The following REDIC1 variants were observed in gnomAD, a reference collection of about 807,000 sequenced individuals.
REDIC1 encodes HEI10 Interacting Protein 1.
chr12:39,749,646 A>G, the REDIC1 span, among the ~76,000 whole-genome samples: 1 of 152,246 alleles, frequency 6.6e-6, no homozygotes, highest in South Asian at 2.1e-4. Context: ...ATCCCTGATG[A>G]ACATAGATGC....
chr12:39,770,162 T>C, the REDIC1 span, among the ~76,000 whole-genome samples: 2 of 152,108 alleles, frequency 1.3e-5, no homozygotes, highest in African/African-American at 4.8e-5. Flanking sequence ...TTGGGACCTA[T>C]ACCCTCTCTC....
At chr12:39,905,967 C>T in the REDIC1 span, among the ~76,000 whole-genome samples, 1 of 152,006 alleles carries the variant, frequency 6.6e-6, no homozygotes, top group Admixed American at 6.6e-5. Context: ...AAGTATATTC[C>T]TAATTTTGTT....
At chr12:39,651,032 A>C in the REDIC1 span, among the ~76,000 whole-genome samples, 1 of 152,130 alleles carries the variant, frequency 6.6e-6, no homozygotes, top group African/African-American at 2.4e-5. Context: ...TCCACAGGGG[A>C]TATGTTCCAA....
At chr12:39,680,768 G>GCGCA in the REDIC1 span, among the ~76,000 whole-genome samples, 4 of 149,704 alleles carry the variant, frequency 2.7e-5, no homozygotes, top group African/African-American at 9.8e-5. Context: ...AAATACATAC[G>GCGCA]CACACACACA....
chr12:39,762,906 T>G, the REDIC1 span, among the ~76,000 whole-genome samples: 7 of 94,516 alleles, frequency 7.4e-5, no homozygotes, highest in African/African-American at 3.0e-4. Context: ...TTAAATTTCA[T>G]TACTGTTGCC....
the REDIC1 span, among the ~76,000 whole-genome samples, chr12:39,813,766 T>G: frequency 2.0e-5 from 3 of 152,174 alleles, no homozygotes; most frequent in South Asian, 4.1e-4. Flanking sequence ...ATCTACAATC[T>G]CAATGTGAGT....
the REDIC1 span, among the ~76,000 whole-genome samples, chr12:39,708,754 C>A: frequency 6.6e-6 from 1 of 151,836 alleles, no homozygotes; most frequent in South Asian, 2.1e-4. Context: ...TGTGCCAATA[C>A]CATACCGCTT....
the REDIC1 span, among the ~76,000 whole-genome samples, chr12:39,855,616 C>A: frequency 3.9e-5 from 6 of 152,192 alleles, no homozygotes; most frequent in Non-Finnish European, 5.9e-5. Context: ...CTCAATACCC[C>A]AGCCTACTGC....
the REDIC1 span, among the ~76,000 whole-genome samples, chr12:39,675,961 T>C: frequency 6.6e-6 from 1 of 152,150 alleles, no homozygotes; most frequent in African/African-American, 2.4e-5. Flanking sequence ...GCCCCTGTGT[T>C]CCAGATCCTT....
the REDIC1 span, among the ~76,000 whole-genome samples, chr12:39,654,532 G>T: frequency 2.6e-5 from 4 of 151,812 alleles, no homozygotes; most frequent in Non-Finnish European, 5.9e-5. Flanking sequence ...AGCTTGCAGT[G>T]AGCCGAGATC....
the REDIC1 span, among the ~76,000 whole-genome samples, chr12:39,704,899 A>G: frequency 6.6e-6 from 1 of 152,026 alleles, no homozygotes; most frequent in East Asian, 1.9e-4. Flanking sequence ...AGGAAGGGGA[A>G]CATCACACTC....
chr12:39,818,534 G>A, the REDIC1 span, among the ~76,000 whole-genome samples: 1 of 152,120 alleles, frequency 6.6e-6, no homozygotes, highest in African/African-American at 2.4e-5. Flanking sequence ...AATTACGTAA[G>A]TTTATAAGTT....
At chr12:39,655,200 G>A in the REDIC1 span, among the ~76,000 whole-genome samples, 45 of 151,540 alleles carry the variant, frequency 3.0e-4, no homozygotes, top group African/African-American at 1.1e-3. Flanking sequence ...TTTCTCAATT[G>A]TTTTTCTATT....
the REDIC1 span, among the ~76,000 whole-genome samples, chr12:39,867,365 T>A: frequency 6.6e-6 from 1 of 152,248 alleles, no homozygotes; most frequent in Non-Finnish European, 1.5e-5. Flanking sequence ...TAAGGTCCAA[T>A]TCTAGTGCCT....
the REDIC1 span, among the ~76,000 whole-genome samples, chr12:39,712,221 T>A: frequency 1.6e-5 from 2 of 127,562 alleles, no homozygotes; most frequent in Admixed American, 8.1e-5. Context: ...TATATATACA[T>A]GTATATATAC....
the REDIC1 span, among the ~76,000 whole-genome samples, chr12:39,706,913 C>T: frequency 6.6e-6 from 1 of 152,088 alleles, no homozygotes; most frequent in African/African-American, 2.4e-5. Context: ...CACAAGAAAA[C>T]ACTAAGGAAA....
chr12:39,668,445 C>G, the REDIC1 span, among the ~76,000 whole-genome samples: 2 of 152,222 alleles, frequency 1.3e-5, no homozygotes, highest in Non-Finnish European at 2.9e-5. Context: ...AGCTCTTAGT[C>G]TGATGGGCTT....
At chr12:39,714,062 T>TGTATAC in the REDIC1 span, among the ~76,000 whole-genome samples, 10 of 139,752 alleles carry the variant, frequency 7.2e-5, no homozygotes, top group East Asian at 2.0e-4. Context: ...TATACACGTA[T>TGTATAC]GTGTATATAC....
At chr12:39,826,880 A>C in the REDIC1 span, among the ~76,000 whole-genome samples, 2 of 23,090 alleles carry the variant, frequency 8.7e-5, no homozygotes, top group Admixed American at 1.3e-3. Context: ...TTTGCAATGC[A>C]AGGTTCTTTA....
Sources: gnomAD v4.1 joint callset for allele counts (sites outside exome capture counted in the v4.1 genomes callset) on GRCh38, gnomAD v4.1.1 for gene constraint, MANE v1.5 for transcripts, NCBI Gene and HGNC (gene_info 2026-07-23, HGNC 2026-07-21) for gene names.